Variants in BCAS3 observed in about 807,000 individuals in gnomAD.
The protein encoded by BCAS3 is BCAS3 microtubule associated cell migration factor, also known as BCAS4/BCAS3 fusion.
BCAS3 carries 53 observed loss-of-function variants against 116.1 expected under a neutral mutation model. That is an observed-to-expected ratio of 0.46 (90% CI 0.37 to 0.57). The LOEUF (loss-of-function observed/expected upper bound fraction) is 0.57. Among genes scored for constraint, BCAS3 ranks in the 20% least tolerant of loss-of-function variants. The pLI is 0.00. For missense variants in BCAS3, 917 were observed against 1,165.4 expected (o/e 0.79, Z 3.10); for synonymous variants, 391 against 408.2 (o/e 0.96, Z 0.51).
Position 61,356,063 on chromosome 17 carries a change from C to T in BCAS3, c.2426-12264C>T, listed in dbSNP as rs1375427974. On this transcript the variant is annotated intron_variant, in intron 22 of 23. Coordinates refer to ENST00000407086, the MANE Select transcript of BCAS3 (RefSeq NM_017679.5). The surrounding 1 kb of genome is among the most constrained non-coding windows in gnomAD (Gnocchi z 5.4). The stretch of plus-strand genomic sequence containing the variant: ...AGGCTGGAGTACAATGGCGCAATCT[C>T]GGCCCACTGCAACCTCCGCCTCCCG... Among the ~76,000 whole-genome samples, 2 of 152,186 alleles carry T rather than the reference C, an allele frequency of 1.3e-5. No homozygotes were observed. Among genetic ancestry groups the T allele is most frequent in the South Asian group, 2.1e-4 (1 of 4,820 alleles).
chr17:60,705,536 GAAA>G (rs1200569407), intron 4 of BCAS3, among the ~76,000 whole-genome samples: 3 of 141,576 alleles, frequency 2.1e-5, no homozygotes, highest in Non-Finnish European at 3.0e-5. Context: ...AAAAAGAAAA[GAAA>G]ATCATGAAAG....
intron 14 of BCAS3, among the ~76,000 whole-genome samples, chr17:60,948,168 T>C (rs1297548696): frequency 1.3e-5 from 2 of 152,016 alleles, no homozygotes; most frequent in African/African-American, 4.8e-5. Flanking sequence ...GCAGTGGCGC[T>C]GCGATCTTTG....
intron 7 of BCAS3, among the ~76,000 whole-genome samples, chr17:60,816,145 C>T (rs1400573223): frequency 6.6e-6 from 1 of 152,138 alleles, no homozygotes; most frequent in Non-Finnish European, 1.5e-5. Flanking sequence ...CTGGCACATA[C>T]TTTATTGAAC....
chr17:60,689,777 T>G lies in BCAS3; in HGVS notation c.214+16T>G. The G allele has an allele frequency of 6.5e-7, 1 of 1,543,206 alleles. No homozygotes were observed. Among genetic ancestry groups the G allele is most frequent in the Non-Finnish European group, 8.9e-7 (1 of 1,118,130 alleles). ...GATTTAAATGGTATGGTTTTAACTT[T>G]TTTTGGGACGTGTGAATTAATTGTT... On this transcript the variant is annotated intron_variant, in intron 4 of 23. Transcript: ENST00000407086.
rs1373252359 is a variant in BCAS3 at position 61,361,212 on chromosome 17, G to C, written c.2426-7115G>C. Among the ~76,000 whole-genome samples the C allele has an allele frequency of 6.6e-6, 1 of 151,074 alleles. No individual in the cohort carries two copies. Among genetic ancestry groups the C allele is most frequent in the African/African-American group, 2.4e-5 (1 of 41,102 alleles). On this transcript the variant is annotated intron_variant, in intron 22 of 23. Transcript: ENST00000407086. The surrounding 1 kb of genome is among the most constrained non-coding windows in gnomAD (Gnocchi z 6.5). The stretch of plus-strand genomic sequence containing the variant: ...AAGAATTAAAAAAAAAAAAAGAAAA[G>C]ACCCAGACGGAGTAGCAACTTGCCC...
In BCAS3 at chr17:61,277,528, T is replaced by C. The variant is rs184093758; in HGVS notation, c.2426-90799T>C. Among the ~76,000 whole-genome samples the C allele has an allele frequency of 1.2e-4, 18 of 152,186 alleles. 1 individual carries two copies. Among genetic ancestry groups the C allele is most frequent in the Admixed American group, 9.8e-4 (15 of 15,282 alleles). On this transcript the variant is annotated intron_variant, in intron 22 of 23. Coordinates refer to ENST00000407086, the MANE Select transcript of BCAS3 (RefSeq NM_017679.5). ...TATCAAACTAAAAAACATTCAGGCT[T>C]CTAAGAACCACATCAGGAAAGTAAA...
chr17:61,027,259 G>A (rs1030575505), intron 16 of BCAS3: 2 of 439,400 alleles, frequency 4.6e-6, no homozygotes, highest in Non-Finnish European at 8.4e-6. Context: ...TACATATCAT[G>A]CATAGCATTT....
chr17:61,034,869 A>C lies in BCAS3; in HGVS notation c.1762+79A>C. On this transcript the variant is annotated intron_variant, in intron 17 of 23. Coordinates refer to ENST00000407086, the MANE Select transcript of BCAS3 (RefSeq NM_017679.5). This position sits in a 1 kb window ranked among gnomAD's most constrained non-coding sequence, Gnocchi z 5.0. Reference sequence around the variant, plus strand: ...GGAAAATTTTTAGCAGTTTCCCTAGAATAATCTTGTACCCAGTAGTCTGGA... The same window carrying C: ...GGAAAATTTTTAGCAGTTTCCCTAGCATAATCTTGTACCCAGTAGTCTGGA... 7.1e-7 allele frequency: 1 copy of C among 1,413,118 alleles called. No homozygotes were observed. Among genetic ancestry groups the C allele is most frequent in the Non-Finnish European group, 9.7e-7 (1 of 1,035,550 alleles). 87.5% of individuals were successfully genotyped at this position (1,413,118 alleles called of 1,614,324 possible).
At position 61,365,104 on chromosome 17, in the gene BCAS3, A is replaced by G. The variant is rs2058656516; in HGVS notation, c.2426-3223A>G. 1.3e-5 allele frequency among the ~76,000 whole-genome samples: 2 copies of G among 152,168 alleles called. No homozygotes were observed. Among genetic ancestry groups the G allele is most frequent in the East Asian group, 3.9e-4 (2 of 5,192 alleles). ...TTGTATTGTTTTTCCATTTTTATGG[A>G]TGAGGAATCAGAGACGCATGCCTGG... On this transcript the variant is annotated intron_variant, in intron 22 of 23. Transcript: ENST00000407086. This position sits in a 1 kb window ranked among gnomAD's most constrained non-coding sequence, Gnocchi z 4.6.
At position 61,127,854 on chromosome 17, in the gene BCAS3, A is replaced by T. The variant is rs113171408; in HGVS notation, c.2425+43290A>T. Among the ~76,000 whole-genome samples the T allele has an allele frequency of 2.7e-3, 411 of 151,836 alleles. 1 individual carries two copies. Among genetic ancestry groups the T allele is most frequent in the African/African-American group, 9.3e-3 (386 of 41,394 alleles). ...AAAGTTAGTTGGGTGATATAAAAAA[A>T]AATAATACATATACACACGAATGCA... On this transcript the variant is annotated intron_variant, in intron 22 of 23. Transcript: ENST00000407086.
chr17:61,288,861 C>G (rs1203991497), intron 22 of BCAS3, among the ~76,000 whole-genome samples: 1 of 152,174 alleles, frequency 6.6e-6, no homozygotes, highest in East Asian at 1.9e-4. Flanking sequence ...TTTCCAGGTA[C>G]CTTGGTATTC....
At chr17:60,852,818 T>C (rs1047881969) in intron 7 of BCAS3, among the ~76,000 whole-genome samples, 1 of 152,182 alleles carries the variant, frequency 6.6e-6, no homozygotes, top group African/African-American at 2.4e-5. Flanking sequence ...AGAGGTGGAA[T>C]AACAGGAATG....
In BCAS3 at chr17:61,032,787, TG is replaced by T. The variant is rs1298748930; in HGVS notation, c.1638-1877del. On this transcript the variant is annotated intron_variant, in intron 16 of 23. Coordinates refer to ENST00000407086, the MANE Select transcript of BCAS3 (RefSeq NM_017679.5). The surrounding 1 kb of genome is among the most constrained non-coding windows in gnomAD (Gnocchi z 4.6). ...AAACGATGTCTTTATTCCCTGTCAC[TG>T]GAAGTCTCACTGTGACTGGTTGACA... 6.6e-6 allele frequency among the ~76,000 whole-genome samples: 1 copy of T among 152,214 alleles called. No homozygotes were observed. Among genetic ancestry groups the T allele is most frequent in the Admixed American group, 6.5e-5 (1 of 15,272 alleles).
intron 16 of BCAS3, among the ~76,000 whole-genome samples, chr17:61,027,635 T>C (rs1010089399): frequency 7.2e-5 from 11 of 151,928 alleles, no homozygotes; most frequent in Non-Finnish European, 1.5e-4. Context: ...TATAAAATGT[T>C]TAATGGTTAA....
chr17:61,003,132 A>G (rs1052424225), intron 15 of BCAS3, among the ~76,000 whole-genome samples: 3 of 151,538 alleles, frequency 2.0e-5, no homozygotes, highest in African/African-American at 2.4e-5. Context: ...TGAATAATGT[A>G]TCTTCTACAT....
At chr17:60,854,530 C>T (rs1000372328) in intron 7 of BCAS3, among the ~76,000 whole-genome samples, 3 of 152,048 alleles carry the variant, frequency 2.0e-5, no homozygotes, top group Admixed American at 2.0e-4. Flanking sequence ...AAAAAGTGGG[C>T]GAAGGATATG....
At position 61,325,918 on chromosome 17, in the gene BCAS3, G is replaced by A. The variant is rs1963560052; in HGVS notation, c.2426-42409G>A. On this transcript the variant is annotated intron_variant, in intron 22 of 23. Transcript: ENST00000407086. The surrounding 1 kb of genome is among the most constrained non-coding windows in gnomAD (Gnocchi z 6.4). ...CTGTATCTGTATCCAGATTAAATCT[G>A]GCTAATATATACTGCAGGGAAGCCT... 6.6e-6 allele frequency among the ~76,000 whole-genome samples: 1 copy of A among 152,184 alleles called. No homozygotes were observed. Among genetic ancestry groups the A allele is most frequent in the Non-Finnish European group, 1.5e-5 (1 of 68,036 alleles).
rs2081717942 is a variant in BCAS3, at chr17:61,215,242, A to C, written c.2425+130678A>C. On this transcript the variant is annotated intron_variant, in intron 22 of 23. Transcript: ENST00000407086. The surrounding 1 kb of genome is among the most constrained non-coding windows in gnomAD (Gnocchi z 4.8). ...AAATCTCTTTTGAAATTCATTTGTT[A>C]AAGAAAATATTTCAGAGTCACTAGC... Among the ~76,000 whole-genome samples, 1 of 152,238 alleles carries C rather than the reference A, an allele frequency of 6.6e-6. No individual in the cohort carries two copies. The highest frequency in any genetic ancestry group is 2.4e-5 in the African/African-American group (1 of 41,472).
chr17:61,232,200 GAAAAAAA>G (rs71148394), intron 22 of BCAS3, among the ~76,000 whole-genome samples: 1 of 72,480 alleles, frequency 1.4e-5, no homozygotes, highest in Non-Finnish European at 2.3e-5. Context: ...GAAAGACTCC[GAAAAAAA>G]AAAAAAAAAA....
Sources: gnomAD v4.1 joint callset for allele counts (sites outside exome capture counted in the v4.1 genomes callset) on GRCh38, gnomAD v4.1.1 for gene constraint, Gnocchi (gnomAD v3.1) non-coding constraint, MANE v1.5 for transcripts, NCBI Gene and HGNC (gene_info 2026-07-23, HGNC 2026-07-21) for gene names.